TCF20: variants seen among roughly 807,000 people sequenced by gnomAD.
TCF20 encodes SPRE-binding protein.
In TCF20, 3 loss-of-function variants were observed where a neutral mutation model predicts 148.6. The observed-to-expected ratio is 0.02, with a 90% CI of 0.01 to 0.05. The LOEUF is 0.05. TCF20 is among the 10% of genes least tolerant of loss of function. TCF20 has a pLI of 1.00. For missense variants in TCF20, 2,350 were observed against 2,429.3 expected (o/e 0.97, Z 0.69); for synonymous variants, 1,049 against 909.5 (o/e 1.15, Z -2.76).
At chr22:42,286,558 C>A (rs559303574), upstream of TCF20, among the ~76,000 whole-genome samples, 1 of 152,190 alleles carries the variant, frequency 6.6e-6, no homozygotes, top group South Asian at 2.1e-4. Context: ...CCTTTCTAAG[C>A]AAGAGCCGAT....
At chr22:42,298,409 T>C (rs1927273409) in intron 1 of TCF20, among the ~76,000 whole-genome samples, 1 of 152,224 alleles carries the variant, frequency 6.6e-6, no homozygotes, top group Non-Finnish European at 1.5e-5. Flanking sequence ...GAAGTTATTC[T>C]AGGGAGACAG....
At chr22:42,256,309 T>C (rs1925738714) in intron 1 of TCF20, among the ~76,000 whole-genome samples, 1 of 152,238 alleles carries the variant, frequency 6.6e-6, no homozygotes, top group South Asian at 2.1e-4. Context: ...TTTGTGTGTG[T>C]GTGCCTAGCA....
chr22:42,255,819 C>T (rs191790600), intron 1 of TCF20, among the ~76,000 whole-genome samples: 1 of 152,264 alleles, frequency 6.6e-6, no homozygotes, highest in East Asian at 1.9e-4. Context: ...ATTCACACCT[C>T]TCTTCACAAA....
intron 1 of TCF20, among the ~76,000 whole-genome samples, chr22:42,329,911 C>T (rs770109924): frequency 6.6e-6 from 1 of 152,158 alleles, no homozygotes; most frequent in Admixed American, 6.5e-5. Flanking sequence ...GGAGTATGAA[C>T]TCACCAGGGG....
rs560567213 is a variant in TCF20, at chr22:42,225,483, G to A, written c.-36-10142C>T. Among the ~76,000 whole-genome samples the A allele has an allele frequency of 2.6e-3, 393 of 150,742 alleles. 1 individual carries two copies. Among genetic ancestry groups the A allele is most frequent in the Middle Eastern group, 0.017 (5 of 290 alleles). ...CAAAAAATTAGCCGGGCGCGGTGGC[G>A]GGCGCCTGTAGTCCCAGCTACTCGG... On this transcript the variant is annotated intron_variant, in intron 1 of 5. Coordinates refer to ENST00000677622, the MANE Select transcript of TCF20 (RefSeq NM_001378418.1).
intron 1 of TCF20, among the ~76,000 whole-genome samples, chr22:42,240,039 GTAATAA>G (rs1924257177): frequency 1.3e-5 from 2 of 152,120 alleles, no homozygotes; most frequent in Non-Finnish European, 2.9e-5. Context: ...CTTCTAGGTG[GTAATAA>G]TAATAGCTAA....
rs559420570 is a variant in TCF20 at position 42,183,451 on chromosome 22, G to C, written c.5656-3749C>G. ...CCCCCAGAGGGAGTTACAGTTGTCA[G>C]CTTCAGGGAGACCTGATGATTTGCC... is the stretch of plus-strand genomic sequence containing the variant. On this transcript the variant is annotated intron_variant, in intron 2 of 5. Transcript: ENST00000677622. Among the ~76,000 whole-genome samples the C allele has an allele frequency of 2.5e-4, 38 of 152,342 alleles. 1 individual carries two copies. In the South Asian group the frequency reaches 7.7e-3, roughly 31 times the overall value.
chr22:42,333,136 A>G (rs1419294400), intron 1 of TCF20, among the ~76,000 whole-genome samples: 1 of 152,274 alleles, frequency 6.6e-6, no homozygotes, highest in Non-Finnish European at 1.5e-5. Flanking sequence ...GGCAAAATGC[A>G]ATGGCAGGAG....
intron 1 of TCF20, among the ~76,000 whole-genome samples, chr22:42,250,059 G>C (rs1667379295): frequency 6.6e-6 from 1 of 152,084 alleles, no homozygotes; most frequent in Non-Finnish European, 1.5e-5. Flanking sequence ...AGGAGTTTGA[G>C]GCTGAAGTGC....
intron 1 of TCF20, among the ~76,000 whole-genome samples, chr22:42,326,514 C>T (rs902601953): frequency 2.2e-4 from 33 of 152,216 alleles, no homozygotes; most frequent in Non-Finnish European, 1.0e-4. Flanking sequence ...TCCAACTCTC[C>T]GCTCTTCAAT....
intron 1 of TCF20, among the ~76,000 whole-genome samples, chr22:42,264,003 C>T (rs1436739755): frequency 6.6e-6 from 1 of 152,050 alleles, no homozygotes; most frequent in Non-Finnish European, 1.5e-5. Flanking sequence ...TAGGTGTCTT[C>T]CAGCTCTAAA....
At chr22:42,336,852 G>C (rs1264271419) in intron 1 of TCF20, among the ~76,000 whole-genome samples, 2 of 152,146 alleles carry the variant, frequency 1.3e-5, no homozygotes, top group Admixed American at 1.3e-4. Flanking sequence ...CTCTTGCAGA[G>C]ACCTCTCCAG....
chr22:42,176,877 T>C (rs1450744203), intron 3 of TCF20, among the ~76,000 whole-genome samples: 1 of 152,224 alleles, frequency 6.6e-6, no homozygotes, highest in Non-Finnish European at 1.5e-5. Context: ...AGTAGAGATT[T>C]GTTAAAGAAT....
rs1935929535 is a variant in TCF20, at chr22:42,168,603, A to T, written c.*44+6T>A. 4 of 1,559,214 alleles carry T rather than the reference A, an allele frequency of 2.6e-6. No individual in the cohort carries two copies. Among genetic ancestry groups the T allele is most frequent in the East Asian group, 2.4e-5 (1 of 41,876 alleles). On this transcript the variant is annotated splice_donor_region_variant and intron_variant, in intron 5 of 5. Transcript: ENST00000677622. The stretch of plus-strand genomic sequence containing the variant: ...GGATGCAGGGAGCCCGGTGGCCCCG[A>T]CTCACCTGTGCTTGCTGTCCTTTCC...
chr22:42,251,262 C>T (rs1925341840), intron 1 of TCF20, among the ~76,000 whole-genome samples: 1 of 152,158 alleles, frequency 6.6e-6, no homozygotes, highest in Non-Finnish European at 1.5e-5. Context: ...TCACAGCTCA[C>T]TCCAACCTCT....
At chr22:42,176,367 C>T (rs1409814040) in intron 3 of TCF20, among the ~76,000 whole-genome samples, 1 of 96,142 alleles carries the variant, frequency 1.0e-5, no homozygotes, top group African/African-American at 3.8e-5. Flanking sequence ...GCAACTGCTG[C>T]GCTGGAAGGA....
intron 3 of TCF20, among the ~76,000 whole-genome samples, chr22:42,175,394 G>A (rs1936390884): frequency 6.6e-6 from 1 of 152,064 alleles, no homozygotes; most frequent in Non-Finnish European, 1.5e-5. Context: ...AGGCTGGAGT[G>A]CAGTGGCGTG....
intron 1 of TCF20, among the ~76,000 whole-genome samples, chr22:42,264,054 C>T (rs1025650403): frequency 5.9e-5 from 9 of 152,016 alleles, no homozygotes; most frequent in African/African-American, 1.9e-4. Flanking sequence ...GGAGAAGGCA[C>T]GCTGGATGCC....
upstream of TCF20, among the ~76,000 whole-genome samples, chr22:42,271,585 G>A (rs147177442): frequency 2.5e-3 from 379 of 152,328 alleles, no homozygotes; most frequent in African/African-American, 8.6e-3. Flanking sequence ...AGTAGGATGC[G>A]TTGAGAATTT....
Sources: gnomAD v4.1 joint callset for allele counts (sites outside exome capture counted in the v4.1 genomes callset) on GRCh38, gnomAD v4.1.1 for gene constraint, MANE v1.5 for transcripts, NCBI Gene and HGNC (gene_info 2026-07-23, HGNC 2026-07-21) for gene names.